The following SMG6 variants were observed in gnomAD, a reference collection of about 807,000 sequenced individuals.
SMG6 encodes the protein SMG6 nonsense mediated mRNA decay factor.
SMG6 carries 66 observed loss-of-function variants against 142.2 expected under a neutral mutation model. The observed-to-expected ratio is 0.46, with a 90% CI of 0.38 to 0.57. The LOEUF (loss-of-function observed/expected upper bound fraction) is 0.57, where lower values mean the gene tolerates loss of function less well. Among genes scored for constraint, SMG6 ranks in the 20% least tolerant of loss-of-function variants. The probability of loss-of-function intolerance (pLI) is 0.00; values close to 1 mark genes in which losing one functional copy is unlikely to be tolerated. For synonymous variants in SMG6, 779 were observed against 702.4 expected, an observed-to-expected ratio of 1.11 and a Z score of -1.72; for missense variants, 1,793 against 1,832.0, an observed-to-expected ratio of 0.98 and a Z score of 0.39.
At chr17:2,135,977 C>T (rs919423088) in intron 13 of SMG6, among the ~76,000 whole-genome samples, 2 of 149,090 alleles carry the variant, frequency 1.3e-5, no homozygotes, top group Non-Finnish European at 3.0e-5. Flanking sequence ...GATACCACAC[C>T]TAGCCTATAT....
chr17:2,238,547 C>T (rs1044325595), intron 9 of SMG6, among the ~76,000 whole-genome samples: 1 of 152,194 alleles, frequency 6.6e-6, no homozygotes, highest in African/African-American at 2.4e-5. Flanking sequence ...TAGCACTTCT[C>T]GTTACGAGAA....
At chr17:2,097,064 G>C (rs1366201284) in intron 13 of SMG6, among the ~76,000 whole-genome samples, 1 of 152,134 alleles carries the variant, frequency 6.6e-6, no homozygotes, top group Non-Finnish European at 1.5e-5. Flanking sequence ...AGTCTTTCTT[G>C]ACTACTTCTG....
At chr17:2,063,651 C>T (rs2067851260) in intron 18 of SMG6, among the ~76,000 whole-genome samples, 1 of 152,196 alleles carries the variant, frequency 6.6e-6, no homozygotes, top group African/African-American at 2.4e-5. Flanking sequence ...CAGGAGGTAC[C>T]CCTCTAGGAA....
chr17:2,169,378 T>C (rs2071435529), intron 13 of SMG6, among the ~76,000 whole-genome samples: 2 of 151,948 alleles, frequency 1.3e-5, no homozygotes, highest in Non-Finnish European at 2.9e-5. Context: ...AACGAAATAC[T>C]GTACAGAAGT....
intron 13 of SMG6, among the ~76,000 whole-genome samples, chr17:2,152,097 C>T (rs961099727): frequency 3.9e-5 from 6 of 152,156 alleles, no homozygotes; most frequent in South Asian, 2.1e-4. Context: ...CGGCCTGAGC[C>T]GGAGAGGCCT....
At chr17:2,243,989 TA>T (rs1405486789) in intron 9 of SMG6, among the ~76,000 whole-genome samples, 2 of 152,134 alleles carry the variant, frequency 1.3e-5, no homozygotes, top group Non-Finnish European at 2.9e-5. Flanking sequence ...TTAGGATCAC[TA>T]GTTTTATGCA....
chr17:2,086,039 T>G (rs1054458804), intron 13 of SMG6, 138 bp from the exon 14 acceptor site: 3 of 857,330 alleles, frequency 3.5e-6, no homozygotes, highest in Non-Finnish European at 5.7e-6. Flanking sequence ...AATGACGGGG[T>G]GCGGAGGGCA....
At chr17:2,144,462 T>C (rs1213217553) in intron 13 of SMG6, among the ~76,000 whole-genome samples, 1 of 152,062 alleles carries the variant, frequency 6.6e-6, no homozygotes, top group African/African-American at 2.4e-5. Flanking sequence ...CTGCCTTGAC[T>C]TCCCTAAGTA....
chr17:2,244,728 G>C lies in SMG6; in HGVS notation c.2662-9C>G. 1.2e-6 allele frequency: 2 copies of C among 1,611,104 alleles called. No individual in the cohort carries two copies. The highest frequency in any genetic ancestry group is 1.7e-6 in the Non-Finnish European group (2 of 1,177,482). ...ATGAACCTTTTGTTCAGCTGCATGG[G>C]AAAAAGGGAGAGGAGAAAACAATTA... On this transcript the variant is annotated splice_polypyrimidine_tract_variant and intron_variant, in intron 8 of 18. Transcript: ENST00000263073.
intron 8 of SMG6, among the ~76,000 whole-genome samples, chr17:2,269,081 G>C (rs999759336): frequency 6.6e-6 from 1 of 151,648 alleles, no homozygotes; most frequent in Non-Finnish European, 1.5e-5. Context: ...GCAGGCGCCT[G>C]TAGTCCCAGC....
chr17:2,288,549 G>A (rs932366707), intron 6 of SMG6, among the ~76,000 whole-genome samples: 2 of 151,462 alleles, frequency 1.3e-5, no homozygotes, highest in African/African-American at 4.9e-5. Context: ...TTGAGCCTGG[G>A]AGGCAGAGGT....
chr17:2,126,012 C>A (rs914215237), intron 13 of SMG6, among the ~76,000 whole-genome samples: 5 of 149,076 alleles, frequency 3.4e-5, no homozygotes, highest in African/African-American at 1.2e-4. Context: ...CCAAATTAAT[C>A]GTGAAAAAGA....
chr17:2,074,386 G>A (rs894647100), intron 15 of SMG6, among the ~76,000 whole-genome samples: 1 of 152,184 alleles, frequency 6.6e-6, no homozygotes, highest in Non-Finnish European at 1.5e-5. Flanking sequence ...AGAAGCCAAC[G>A]AGGGCAGATA....
intron 9 of SMG6, among the ~76,000 whole-genome samples, chr17:2,240,896 T>A (rs919007449): frequency 6.6e-6 from 1 of 152,224 alleles, no homozygotes; most frequent in East Asian, 1.9e-4. Flanking sequence ...ACCGCCCACA[T>A]TTCACATCTT....
intron 13 of SMG6, among the ~76,000 whole-genome samples, chr17:2,169,220 G>A (rs1167064151): frequency 1.3e-5 from 2 of 151,918 alleles, no homozygotes; most frequent in African/African-American, 4.8e-5. Flanking sequence ...GCAGAGGCGG[G>A]AGGATTGCTT....
At chr17:2,220,440 G>C (rs920203742) in intron 10 of SMG6, among the ~76,000 whole-genome samples, 1 of 152,146 alleles carries the variant, frequency 6.6e-6, no homozygotes, top group African/African-American at 2.4e-5. Context: ...AGACTAGCTT[G>C]GGCAACACAG....
At chr17:2,181,874 T>G (rs1036647247) in intron 12 of SMG6, among the ~76,000 whole-genome samples, 1 of 152,212 alleles carries the variant, frequency 6.6e-6, no homozygotes, top group African/African-American at 2.4e-5. Flanking sequence ...CTGTGTGAGC[T>G]TTCCATTTCC....
chr17:2,093,373 T>C (rs934881455), intron 13 of SMG6, among the ~76,000 whole-genome samples: 4 of 151,688 alleles, frequency 2.6e-5, no homozygotes, highest in Non-Finnish European at 4.4e-5. Flanking sequence ...CAGTGAGCCA[T>C]GAGCACGCCA....
At chr17:2,126,478 C>A (rs2069881186) in intron 13 of SMG6, among the ~76,000 whole-genome samples, 1 of 152,020 alleles carries the variant, frequency 6.6e-6, no homozygotes, top group African/African-American at 2.4e-5. Flanking sequence ...GTAATCCCAG[C>A]ACTTTGGGAG....
Sources: allele counts gnomAD v4.1 joint callset (sites outside exome capture counted in the v4.1 genomes callset), GRCh38; gene constraint gnomAD v4.1.1; transcripts MANE v1.5; gene names NCBI Gene and HGNC (gene_info 2026-07-23, HGNC 2026-07-21).